ZSCAN20: variants seen among roughly 807,000 people sequenced by gnomAD.
ZSCAN20 encodes zinc finger and SCAN domain containing 20.
ZSCAN20 carries 39 observed loss-of-function variants against 97.1 expected under a neutral mutation model. That is an observed-to-expected ratio of 0.40 (90% confidence interval 0.31 to 0.52). ZSCAN20 has a LOEUF of 0.52. Ranked by LOEUF, ZSCAN20 falls within the 20% of genes least tolerant of loss-of-function variation. The pLI, the probability that ZSCAN20 is intolerant of heterozygous loss-of-function variation, is 0.49. For synonymous variants in ZSCAN20, 456 were observed against 467.3 expected, an observed-to-expected ratio of 0.98 and a Z score of 0.31; for missense variants, 1,115 against 1,290.4, an observed-to-expected ratio of 0.86 and a Z score of 2.08.
In ZSCAN20 at chr1:33,491,812, A is replaced by T; in HGVS notation, c.1444+110A>T. On this transcript the variant is annotated intron_variant, in intron 6 of 7. Transcript: ENST00000684572. This position sits in a 1 kb window ranked among gnomAD's most constrained non-coding sequence, Gnocchi z 4.3. ...TGCAAGTCTGGATTGAAGCCACTAGAGTGAAGAGCTACATTCCTTAGGTCA... is the reference window on the plus strand; with the variant it reads ...TGCAAGTCTGGATTGAAGCCACTAGTGTGAAGAGCTACATTCCTTAGGTCA... The T allele has an allele frequency of 8.9e-7, 1 of 1,126,838 alleles. No homozygotes were observed. The allele number at this position is 1,126,838 out of a possible 1,614,324, so 69.8% of individuals were successfully genotyped here. A position where few individuals can be genotyped will look rare whatever the true frequency, so the allele number is the denominator to read the frequency against.
rs1053550053 is a variant in ZSCAN20, at chr1:33,499,813, T to G, written c.*4337T>G. The stretch of plus-strand genomic sequence containing the variant: ...GGGGGTCTTGTGTTGCCCAGGCTGG[T>G]CTTGAACTCCTGGCCTCAAGCGATC... On this transcript the variant is annotated 3_prime_UTR_variant, in exon 8 of 8. Transcript: ENST00000684572. 6.6e-6 allele frequency among the ~76,000 whole-genome samples: 1 copy of G among 152,008 alleles called. No individual in the cohort carries two copies. Among genetic ancestry groups the G allele is most frequent in the Non-Finnish European group, 1.5e-5 (1 of 68,012 alleles).
At position 33,499,948 on chromosome 1, in the gene ZSCAN20, C is replaced by A. The variant is rs1304858603; in HGVS notation, c.*4472C>A. On this transcript the variant is annotated 3_prime_UTR_variant, in exon 8 of 8. Coordinates refer to ENST00000684572, the MANE Select transcript of ZSCAN20 (RefSeq NM_001377376.1). ...TTAATAGCAAACACCAATCTCAAGC[C>A]CCTGCCCCAATCTGCTACAAGGGGT... Among the ~76,000 whole-genome samples the A allele has an allele frequency of 6.6e-6, 1 of 152,078 alleles. No homozygotes were observed. Among genetic ancestry groups the A allele is most frequent in the East Asian group, 1.9e-4 (1 of 5,172 alleles).
chr1:33,494,785 G>T lies in ZSCAN20; in HGVS notation c.2441G>T (p.Arg814Ile). The T allele has an allele frequency of 1.9e-6, 3 of 1,614,158 alleles. No homozygotes were observed. The highest frequency in any genetic ancestry group is 2.5e-6 in the Non-Finnish European group (3 of 1,180,024). Reference sequence around the variant, plus strand: ...AGCTCAAACCTTCTGAAACATCAGAGAATCCACTTGGGAGGAAATCCTGAC... The same window carrying T: ...AGCTCAAACCTTCTGAAACATCAGATAATCCACTTGGGAGGAAATCCTGAC... ...NQSSNLLKHQ[R>I]IHLGGNPDQC... The change falls in exon 8 of 8, where the codon AGA (arginine) becomes ATA (isoleucine). Residue 814 changes from arginine (R) to isoleucine (I), a missense_variant. Transcript: ENST00000684572.
chr1:33,494,435 T>C lies in ZSCAN20; in HGVS notation c.2091T>C (p.Leu697=). ...ESSSEEDLEK[L]IDHQGLYLAE... ...CTTCTGAAGAGGACTTAGAAAAACT[T>C]ATTGACCATCAAGGCCTGTACCTTG... The change falls in exon 8 of 8, where the codon CTT becomes CTC. Residue 697 remains leucine, a synonymous_variant. Transcript: ENST00000684572. The C allele has an allele frequency of 6.2e-7, 1 of 1,613,502 alleles. No homozygotes were observed. Among genetic ancestry groups the C allele is most frequent in the Non-Finnish European group, 8.5e-7 (1 of 1,179,652 alleles).
chr1:33,491,530 C>A lies in ZSCAN20; in HGVS notation c.1272C>A (p.Ala424=), dbSNP rs3795419. The A allele has an allele frequency of 0.18, 295,295 of 1,613,878 alleles. 29,818 individuals are homozygous for A. The highest frequency in any genetic ancestry group is 0.39 in the East Asian group (17,608 of 44,858). Residue 424 remains alanine (A), a synonymous_variant, in exon 6 of 8, where the codon GCC becomes GCA. Coordinates refer to ENST00000684572, the MANE Select transcript of ZSCAN20 (RefSeq NM_001377376.1). This position sits in a 1 kb window ranked among gnomAD's most constrained non-coding sequence, Gnocchi z 4.3. ...AIRATDGPGE[A]VALPRLGYSD... ...GAGCCACAGATGGCCCAGGAGAGGCCGTGGCACTTCCCAGGCTCGGGTATA... is the reference window on the plus strand; with the variant it reads ...GAGCCACAGATGGCCCAGGAGAGGCAGTGGCACTTCCCAGGCTCGGGTATA...
At chr1:33,484,196 TTTC>T (rs1652266474) in intron 2 of ZSCAN20, among the ~76,000 whole-genome samples, 2 of 152,246 alleles carry the variant, frequency 1.3e-5, no homozygotes, top group South Asian at 4.1e-4. Flanking sequence ...TTTTGTTTCC[TTTC>T]TTATCTTGTA....
rs1483379694 is a variant in ZSCAN20 at position 33,499,048 on chromosome 1, C to T, written c.*3572C>T. ...CCGAGTAAAGCAGCTAGGGTCCCTC[C>T]ATGCTAAATAATGTAGTCAGGCGCT... On this transcript the variant is annotated 3_prime_UTR_variant, in exon 8 of 8. Coordinates refer to ENST00000684572, the MANE Select transcript of ZSCAN20 (RefSeq NM_001377376.1). Among the ~76,000 whole-genome samples, 1 of 152,204 alleles carries T rather than the reference C, an allele frequency of 6.6e-6. No homozygotes were observed. The highest frequency in any genetic ancestry group is 1.9e-4 in the East Asian group (1 of 5,192).
Position 33,491,707 on chromosome 1 carries a change from G to T in ZSCAN20, c.1444+5G>T. Reference sequence around the variant, plus strand: ...CTCTGTTCCAGAGTCGTATTGGTAAGAACATGGGGGTTTAGTCAGATTCAG... The same window carrying T: ...CTCTGTTCCAGAGTCGTATTGGTAATAACATGGGGGTTTAGTCAGATTCAG... On this transcript the variant is annotated splice_donor_5th_base_variant and intron_variant, in intron 6 of 7. Coordinates refer to ENST00000684572, the MANE Select transcript of ZSCAN20 (RefSeq NM_001377376.1). The surrounding 1 kb of genome is among the most constrained non-coding windows in gnomAD (Gnocchi z 4.3). 1 of 1,563,614 alleles carries T rather than the reference G, an allele frequency of 6.4e-7. No individual in the cohort carries two copies. The highest frequency in any genetic ancestry group is 1.2e-5 in the South Asian group (1 of 82,594).
chr1:33,500,348 A>C lies in ZSCAN20; in HGVS notation c.*4872A>C, dbSNP rs1222351300. 6.6e-6 allele frequency among the ~76,000 whole-genome samples: 1 copy of C among 152,040 alleles called. No homozygotes were observed. Among genetic ancestry groups the C allele is most frequent in the Non-Finnish European group, 1.5e-5 (1 of 68,008 alleles). On this transcript the variant is annotated 3_prime_UTR_variant, in exon 8 of 8. Coordinates refer to ENST00000684572, the MANE Select transcript of ZSCAN20 (RefSeq NM_001377376.1). ...GGAACCCTACAGGAGCCTGCACCCC[A>C]GTAACCCCATTTTATGCTGCTTGGA...
chr1:33,488,788 C>A, intron 3 of ZSCAN20, 137 bp downstream of exon 3: 3 of 948,508 alleles, frequency 3.2e-6, no homozygotes, highest in South Asian at 1.6e-5. Context: ...GGCACACTTA[C>A]TGAGAAGTAA....
intron 5 of ZSCAN20, among the ~76,000 whole-genome samples, chr1:33,490,073 A>C (rs1652538556): frequency 6.6e-6 from 1 of 152,198 alleles, no homozygotes; most frequent in South Asian, 2.1e-4. Flanking sequence ...GTGGCAAGCC[A>C]AATAATAGGG....
rs771150761 is a variant in ZSCAN20, at chr1:33,479,558, C to T, written c.270C>T (p.Ile90=). The stretch of plus-strand genomic sequence containing the variant: ...CGGAGATCCGTCTCAAAGAGCAGAT[C>T]CTGGAGCTGCTCGTGCTGGAGCAGT... The part of the protein sequence containing the change: ...LRPEIRLKEQ[I]LELLVLEQFL... The change falls in exon 2 of 8, where the codon ATC becomes ATT. Residue 90 remains isoleucine, a synonymous_variant. Transcript: ENST00000684572. The T allele has an allele frequency of 6.2e-7, 1 of 1,613,892 alleles. No homozygotes were observed. Among genetic ancestry groups the T allele is most frequent in the Non-Finnish European group, 8.5e-7 (1 of 1,179,836 alleles).
chr1:33,489,317 T>C, intron 4 of ZSCAN20, 126 bp downstream of exon 4: 1 of 1,133,852 alleles, frequency 8.8e-7, no homozygotes. Context: ...GTGTTAGCCT[T>C]TGCCCTTCAC....
At chr1:33,488,336 T>G in intron 2 of ZSCAN20, 129 bp from the exon 3 acceptor site, 1 of 856,574 alleles carries the variant, frequency 1.2e-6, no homozygotes, top group Non-Finnish European at 1.8e-6. Context: ...TCTGATGGCT[T>G]TCTCATCCTA....
In ZSCAN20 at chr1:33,494,915, T is replaced by A; in HGVS notation, c.2571T>A (p.Ser857Arg). The change falls in exon 8 of 8, where the codon AGT (serine) becomes AGA (arginine). Residue 857 changes from serine to arginine, a missense_variant. Around this residue, in one of 3 missense-constraint regions of ZSCAN20, gnomAD observed 554 missense variants for 584.9 expected, o/e 0.95. Coordinates refer to ENST00000684572, the MANE Select transcript of ZSCAN20 (RefSeq NM_001377376.1). ...CTCCTGAACAACCTCAAAGTATCAG[T>A]AAGGACTTGAATTCTCCTGGACCAC... The part of the protein sequence containing the change: ...ETAPEQPQSI[S>R]KDLNSPGPHS... 6.2e-7 allele frequency: 1 copy of A among 1,614,180 alleles called. No homozygotes were observed. The highest frequency in any genetic ancestry group is 8.5e-7 in the Non-Finnish European group (1 of 1,180,034).
In ZSCAN20 at chr1:33,491,693, A is replaced by G; in HGVS notation, c.1435A>G (p.Ser479Gly). 1 of 1,589,756 alleles carries G rather than the reference A, an allele frequency of 6.3e-7. No individual in the cohort carries two copies. Among genetic ancestry groups the G allele is most frequent in the Non-Finnish European group, 8.5e-7 (1 of 1,170,332 alleles). ...RIAGAPALFQ[S>G]RIAGVHWGYE... Reference sequence around the variant, plus strand: ...TGCAGGGGCCCCAGCTCTGTTCCAGAGTCGTATTGGTAAGAACATGGGGGT... The same window carrying G: ...TGCAGGGGCCCCAGCTCTGTTCCAGGGTCGTATTGGTAAGAACATGGGGGT... The change falls in exon 6 of 8, where the codon AGT becomes GGT. Residue 479 changes from serine to glycine, a missense_variant. This residue lies in a region of ZSCAN20 where 508 missense variants were observed against 611.2 expected (regional missense o/e 0.83). Transcript: ENST00000684572. The surrounding 1 kb of genome is among the most constrained non-coding windows in gnomAD (Gnocchi z 4.3).
intron 4 of ZSCAN20, 45 bp from the exon 5 acceptor site, chr1:33,489,473 C>A: frequency 6.3e-7 from 1 of 1,597,338 alleles, no homozygotes; most frequent in Non-Finnish European, 8.6e-7. Context: ...AGGCTGTTGT[C>A]AAAGGTCAGT....
At chr1:33,479,856 C>T in intron 2 of ZSCAN20, 151 bp downstream of exon 2, 1 of 846,628 alleles carries the variant, frequency 1.2e-6, no homozygotes, top group Non-Finnish European at 1.7e-6. Context: ...AGGAAGTGTT[C>T]TAAGTGCTTT....
rs534030429 is a variant in ZSCAN20 at position 33,473,637 on chromosome 1, C to G, written c.-111+946C>G. ...CTCAGCTTAGAATATTCTCTCCTTGCCCTTCACCTTCTTTGCCAAGAGAAC... is the reference window on the plus strand; with the variant it reads ...CTCAGCTTAGAATATTCTCTCCTTGGCCTTCACCTTCTTTGCCAAGAGAAC... On this transcript the variant is annotated intron_variant, in intron 1 of 7. Coordinates refer to ENST00000684572, the MANE Select transcript of ZSCAN20 (RefSeq NM_001377376.1). Among the ~76,000 whole-genome samples, 28 of 152,242 alleles carry G rather than the reference C, an allele frequency of 1.8e-4. No homozygotes were observed. In the South Asian group the frequency reaches 5.8e-3, roughly 32 times the overall value.
Sources: gnomAD v4.1 joint callset for allele counts (sites outside exome capture counted in the v4.1 genomes callset) on GRCh38, gnomAD v4.1.1 for gene constraint, gnomAD v4.1.1 regional missense constraint, Gnocchi (gnomAD v3.1) non-coding constraint, MANE v1.5 for transcripts, NCBI Gene and HGNC (gene_info 2026-07-23, HGNC 2026-07-21) for gene names.